The following DLGAP2 variants were observed in gnomAD, a reference collection of about 807,000 sequenced individuals.
The protein encoded by DLGAP2 is disks large-associated protein 2.
DLGAP2 carries 26 observed loss-of-function variants against 100.3 expected under a neutral mutation model. The observed-to-expected ratio is 0.26, with a 90% CI of 0.19 to 0.36. The LOEUF (loss-of-function observed/expected upper bound fraction) is 0.36. Among genes scored for constraint, DLGAP2 ranks in the 10% least tolerant of loss-of-function variants. The pLI is 1.00. For synonymous variants in DLGAP2, 886 were observed against 630.1 expected (o/e 1.41, Z -6.08); for missense variants, 1,858 against 1,453.2 (o/e 1.28, Z -4.53).
intron 3 of DLGAP2, among the ~76,000 whole-genome samples, chr8:1,453,252 G>A (rs1236923598): frequency 2.0e-5 from 3 of 152,124 alleles, no homozygotes. Context: ...AATGGGCCGT[G>A]CTGGCCGGTC....
At chr8:1,309,463 C>A (rs1005453892) in intron 3 of DLGAP2, among the ~76,000 whole-genome samples, 3 of 151,950 alleles carry the variant, frequency 2.0e-5, no homozygotes, top group African/African-American at 7.2e-5. Context: ...TGATAAAGTT[C>A]CTAAAGAAAA....
At chr8:881,202 C>G (rs1187555818) in intron 1 of DLGAP2, among the ~76,000 whole-genome samples, 1 of 152,178 alleles carries the variant, frequency 6.6e-6, no homozygotes, top group Non-Finnish European at 1.5e-5. Context: ...GGGATTTTTA[C>G]TTTTCAGAAA....
intron 1 of DLGAP2, among the ~76,000 whole-genome samples, chr8:843,154 A>G (rs1019537786): frequency 4.1e-4 from 62 of 152,288 alleles, no homozygotes; most frequent in Middle Eastern, 3.4e-3. Context: ...TGTGATCTTA[A>G]TGTAGGTGAA....
At chr8:1,515,578 G>C (rs1800341623) in intron 4 of DLGAP2, among the ~76,000 whole-genome samples, 1 of 151,586 alleles carries the variant, frequency 6.6e-6, no homozygotes, top group Non-Finnish European at 1.5e-5. Context: ...AAATACAATT[G>C]CAGACATGCA....
intron 3 of DLGAP2, among the ~76,000 whole-genome samples, chr8:1,307,350 C>G (rs990658795): frequency 1.3e-5 from 2 of 152,060 alleles, no homozygotes; most frequent in Admixed American, 1.3e-4. Context: ...TGTAAAACAA[C>G]AACAATGAAA....
chr8:1,572,094 T>A (rs1385830951), intron 6 of DLGAP2, among the ~76,000 whole-genome samples: 2 of 125,970 alleles, frequency 1.6e-5, no homozygotes, highest in African/African-American at 3.2e-5. Context: ...TGTGGGGGCG[T>A]CTGATGAGAT....
At chr8:1,120,534 C>T (rs1796013109) in intron 2 of DLGAP2, among the ~76,000 whole-genome samples, 1 of 152,094 alleles carries the variant, frequency 6.6e-6, no homozygotes, top group Admixed American at 6.5e-5. Flanking sequence ...CCCAGCTGCC[C>T]ATCTTCATCC....
chr8:1,704,313 T>TA lies in DLGAP2; in HGVS notation c.*2908dup, dbSNP rs1273623133. ...GTGATGTTCACTATAACCCCATACC[T>TA]ACATTCCCTAATGATACAGCCAATG... On this transcript the variant is annotated 3_prime_UTR_variant, in exon 15 of 15. Transcript: ENST00000637795. The TA allele has an allele frequency of 6.6e-6, 1 of 152,204 alleles. No individual in the cohort carries two copies. Among genetic ancestry groups the TA allele is most frequent in the Non-Finnish European group, 1.5e-5 (1 of 68,038 alleles). The allele number at this position is 152,204 out of a possible 1,614,324, so 9.4% of individuals were successfully genotyped here.
chr8:1,701,157 C>G (rs1483118375), intron 14 of DLGAP2, 31 bp from the exon 15 acceptor site: 1 of 1,545,354 alleles, frequency 6.5e-7, no homozygotes, highest in Non-Finnish European at 8.7e-7. Flanking sequence ...CCTCCGAGCA[C>G]CTGCCAACGG....
rs535239792 is a variant in DLGAP2 at position 1,191,588 on chromosome 8, A to G, written c.74-67263A>G. 5.9e-5 allele frequency among the ~76,000 whole-genome samples: 9 copies of G among 152,336 alleles called. No homozygotes were observed. In the East Asian group the frequency reaches 1.5e-3, roughly 26 times the overall value. ...AAAATCCGCCCTCTGCACTTCTTAC[A>G]TAGAACAAGACAGGCAGCCACAACG... On this transcript the variant is annotated intron_variant, in intron 2 of 14. Transcript: ENST00000637795.
intron 1 of DLGAP2, among the ~76,000 whole-genome samples, chr8:830,838 C>T (rs115451832): frequency 6.7e-6 from 1 of 150,304 alleles, no homozygotes; most frequent in Non-Finnish European, 1.5e-5. Context: ...GACTTTGGTG[C>T]CTTACTTTAA....
rs186683170 is a variant in DLGAP2 at position 1,685,329 on chromosome 8, T to G, written c.2705-6206T>G. On this transcript the variant is annotated intron_variant, in intron 12 of 14. Transcript: ENST00000637795. ...GGTGGTATCAGACCAACAGAGAAGA[T>G]TGAGGAATCAGAAATACTGATGACG... Among the ~76,000 whole-genome samples the G allele has an allele frequency of 1.0e-3, 156 of 152,230 alleles. 1 individual carries two copies. The highest frequency in any genetic ancestry group is 3.6e-3 in the African/African-American group (149 of 41,558).
intron 2 of DLGAP2, chr8:1,248,859 C>G (rs1046637854): frequency 6.6e-6 from 1 of 152,254 alleles, no homozygotes; most frequent in Non-Finnish European, 1.5e-5. Context: ...CACACGGTCA[C>G]CAGGTATTTG....
At chr8:841,755 T>G (rs549759554) in intron 1 of DLGAP2, among the ~76,000 whole-genome samples, 1 of 152,136 alleles carries the variant, frequency 6.6e-6, no homozygotes, top group African/African-American at 2.4e-5. Flanking sequence ...AGCAGGTGAG[T>G]TTTTGAAGAC....
chr8:1,352,343 G>A (rs1369228418), intron 3 of DLGAP2, among the ~76,000 whole-genome samples: 1 of 152,134 alleles, frequency 6.6e-6, no homozygotes, highest in Non-Finnish European at 1.5e-5. Flanking sequence ...GAAAGGCTGT[G>A]CTCCTCCTGT....
At chr8:1,423,004 A>G (rs1023295813) in intron 3 of DLGAP2, among the ~76,000 whole-genome samples, 2 of 152,196 alleles carry the variant, frequency 1.3e-5, no homozygotes, top group Non-Finnish European at 2.9e-5. Context: ...CTGTGGCTAC[A>G]TCTTGAGCAC....
chr8:1,163,035 C>G (rs1157312467), intron 2 of DLGAP2, among the ~76,000 whole-genome samples: 1 of 152,060 alleles, frequency 6.6e-6, no homozygotes, highest in Admixed American at 6.6e-5. Context: ...TGTAGGACTC[C>G]GAGGTGAGGC....
chr8:1,701,401 C>T lies in DLGAP2; in HGVS notation c.3163C>T (p.Leu1055Phe). 1 of 1,587,964 alleles carries T rather than the reference C, an allele frequency of 6.3e-7. No individual in the cohort carries two copies. The highest frequency in any genetic ancestry group is 8.6e-7 in the Non-Finnish European group (1 of 1,168,116). ...EIYIPEAQTR[L>F] ...CTACATCCCCGAGGCCCAGACCCGG[C>T]TCTGAGGGCGGAGGCCGGCGCCTTC... The change falls in exon 15 of 15, where the codon CTC becomes TTC. Residue 1055 changes from leucine to phenylalanine, a missense_variant. Transcript: ENST00000637795.
intron 2 of DLGAP2, among the ~76,000 whole-genome samples, chr8:1,240,032 C>G (rs1244341520): frequency 7.3e-6 from 1 of 136,142 alleles, no homozygotes; most frequent in African/African-American, 2.6e-5. Flanking sequence ...CACATGGCGC[C>G]GTGTCTAGTT....
Sources: gnomAD v4.1 joint callset for allele counts (sites outside exome capture counted in the v4.1 genomes callset) on GRCh38, gnomAD v4.1.1 for gene constraint, MANE v1.5 for transcripts, NCBI Gene and HGNC (gene_info 2026-07-23, HGNC 2026-07-21) for gene names.